LOC400499: variants seen among roughly 807,000 people sequenced by gnomAD.
At chr16:11,441,737 G>A in the LOC400499 span, among the ~76,000 whole-genome samples, 4 of 152,174 alleles carry the variant, frequency 2.6e-5, no homozygotes, top group East Asian at 7.7e-4. Context: ...GGCTTTGAAG[G>A]TGGAAGAAGG....
the LOC400499 span, among the ~76,000 whole-genome samples, chr16:11,452,205 G>GTTTTTTTT: frequency 1.9e-4 from 17 of 89,770 alleles, no homozygotes; most frequent in African/African-American, 2.5e-4. Context: ...TTTTTTGTTT[G>GTTTTTTTT]TTTTTTTTTT....
chr16:11,493,471 C>T, the LOC400499 span, among the ~76,000 whole-genome samples: 1 of 152,094 alleles, frequency 6.6e-6, no homozygotes, highest in Non-Finnish European at 1.5e-5. Flanking sequence ...ATCTGCTTCC[C>T]ACACTACACA....
the LOC400499 span, among the ~76,000 whole-genome samples, chr16:11,495,507 C>T: frequency 5.3e-5 from 8 of 151,988 alleles, no homozygotes; most frequent in African/African-American, 1.9e-4. Flanking sequence ...CAGCCTCCCA[C>T]GTAGCTGAGA....
the LOC400499 span, chr16:11,478,389 T>A: frequency 5.0e-6 from 2 of 397,366 alleles, no homozygotes; most frequent in Middle Eastern, 6.3e-4. Context: ...AAGGCCGTGG[T>A]AAGTGAATCA....
chr16:11,452,201 G>GT, the LOC400499 span, among the ~76,000 whole-genome samples: 163 of 77,176 alleles, frequency 2.1e-3, 2 homozygotes, highest in African/African-American at 6.1e-3. Flanking sequence ...CAGTTTTTTT[G>GT]TTTGTTTTTT....
the LOC400499 span, chr16:11,384,404 C>G: frequency 1.3e-6 from 1 of 780,364 alleles, no homozygotes; most frequent in East Asian, 3.3e-5. Context: ...GCCTCAGGAC[C>G]TGTGTGTGAG....
At chr16:11,411,363 A>C in the LOC400499 span, 1 of 399,214 alleles carries the variant, frequency 2.5e-6, no homozygotes, top group Non-Finnish European at 4.4e-6. Context: ...GAAGCTGGCA[A>C]GACAGCACCT....
chr16:11,477,882 G>A, the LOC400499 span: 3 of 398,886 alleles, frequency 7.5e-6, no homozygotes, highest in African/African-American at 2.1e-5. Context: ...GTGGTTCCTC[G>A]GACCCGGATG....
chr16:11,508,731 C>T, the LOC400499 span: 1 of 399,104 alleles, frequency 2.5e-6, no homozygotes, highest in East Asian at 3.6e-5. Flanking sequence ...AGCTAGTGGT[C>T]TGAGCCAGGC....
At chr16:11,437,689 G>A in the LOC400499 span, among the ~76,000 whole-genome samples, 255 of 152,320 alleles carry the variant, frequency 1.7e-3, 4 homozygotes, top group South Asian at 0.035. Context: ...CCAACGTAGT[G>A]AAATCCCATC....
the LOC400499 span, among the ~76,000 whole-genome samples, chr16:11,522,493 C>G: frequency 1.3e-5 from 2 of 152,260 alleles, no homozygotes; most frequent in East Asian, 3.9e-4. Flanking sequence ...AGTAACCCAG[C>G]CCAGTTGTGA....
chr16:11,484,511 C>G, the LOC400499 span, among the ~76,000 whole-genome samples: 1 of 152,076 alleles, frequency 6.6e-6, no homozygotes, highest in South Asian at 2.1e-4. Flanking sequence ...ACTGATGCTG[C>G]CAGAAGTCAG....
the LOC400499 span, among the ~76,000 whole-genome samples, chr16:11,496,701 C>A: frequency 1.3e-5 from 2 of 151,998 alleles, no homozygotes; most frequent in South Asian, 4.1e-4. Flanking sequence ...CTTGTGTGCC[C>A]ACGCACAGCC....
chr16:11,423,456 G>C, the LOC400499 span, among the ~76,000 whole-genome samples: 4 of 152,254 alleles, frequency 2.6e-5, no homozygotes, highest in African/African-American at 7.2e-5. Context: ...GGAGCTCCCA[G>C]CATGCAGGGC....
At chr16:11,445,424 AAAAAAAAAAG>A in the LOC400499 span, among the ~76,000 whole-genome samples, 1 of 151,598 alleles carries the variant, frequency 6.6e-6, no homozygotes, top group East Asian at 1.9e-4. Context: ...CTTTCTCCAA[AAAAAAAAAAG>A]AAAGAAAAAG....
At chr16:11,510,131 AG>A in the LOC400499 span, among the ~76,000 whole-genome samples, 2 of 151,646 alleles carry the variant, frequency 1.3e-5, no homozygotes, top group Non-Finnish European at 2.9e-5. Flanking sequence ...AACTTCCCTG[AG>A]CCCCGCTTGG....
the LOC400499 span, among the ~76,000 whole-genome samples, chr16:11,448,647 A>T: frequency 1.3e-5 from 2 of 152,228 alleles, no homozygotes; most frequent in African/African-American, 4.8e-5. Context: ...GGATCCTTCA[A>T]GCCCAGACAT....
At chr16:11,455,741 G>A in the LOC400499 span, among the ~76,000 whole-genome samples, 1,932 of 130,932 alleles carry the variant, frequency 0.015, no homozygotes, top group East Asian at 0.023. Context: ...TCTCAAAAAA[G>A]AAAAAAAAAA....
At chr16:11,400,386 C>T in the LOC400499 span, among the ~76,000 whole-genome samples, 3 of 152,110 alleles carry the variant, frequency 2.0e-5, no homozygotes. Flanking sequence ...ACTGACCACC[C>T]ACCTTACAGT....
Sources: gnomAD v4.1 joint callset for allele counts (sites outside exome capture counted in the v4.1 genomes callset) on GRCh38, gnomAD v4.1.1 for gene constraint, MANE v1.5 for transcripts.